WASHC3: variants seen among roughly 807,000 people sequenced by gnomAD.
WASHC3 encodes the protein WASH complex subunit CCDC53.
A neutral mutation model predicts 26.1 loss-of-function variants in WASHC3; 24 were observed. That is an observed-to-expected ratio of 0.92 (90% confidence interval 0.66 to 1.29). The LOEUF is 1.29. Among genes scored for constraint, WASHC3 ranks in the 50% most tolerant of loss-of-function variants. WASHC3 has a pLI of 0.00. For missense variants in WASHC3, 214 were observed against 229.6 expected (o/e 0.93, Z 0.44); for synonymous variants, 77 against 75.7 (o/e 1.02, Z -0.09).
chr12:102,050,901 G>C (rs904365476), intron 2 of WASHC3, among the ~76,000 whole-genome samples: 1 of 152,260 alleles, frequency 6.6e-6, no homozygotes, highest in African/African-American at 2.4e-5. Flanking sequence ...TGTGATGGAA[G>C]AGGAGATGAC....
chr12:102,058,641 C>A (rs993215134), intron 2 of WASHC3, among the ~76,000 whole-genome samples: 3 of 151,970 alleles, frequency 2.0e-5, no homozygotes, highest in Non-Finnish European at 2.9e-5. Context: ...GAAAATAGTA[C>A]AGAGGTTCCA....
chr12:102,051,406 G>C (rs984244311), intron 2 of WASHC3, among the ~76,000 whole-genome samples: 1 of 152,210 alleles, frequency 6.6e-6, no homozygotes, highest in Non-Finnish European at 1.5e-5. Context: ...TACCTTGGGA[G>C]AAAATGGCAC....
chr12:102,038,899 G>GT (rs1877795418), intron 5 of WASHC3, among the ~76,000 whole-genome samples: 1 of 151,980 alleles, frequency 6.6e-6, no homozygotes, highest in Admixed American at 6.6e-5. Context: ...CTGTCCTTTA[G>GT]TATTAGTATT....
intron 2 of WASHC3, among the ~76,000 whole-genome samples, chr12:102,049,749 C>T (rs796140405): frequency 6.6e-6 from 1 of 152,002 alleles, no homozygotes; most frequent in African/African-American, 2.4e-5. Context: ...CCCCAGAAGC[C>T]AGAAAAGGAA....
intron 6 of WASHC3, among the ~76,000 whole-genome samples, chr12:102,015,863 G>A (rs926813425): frequency 4.6e-5 from 7 of 152,134 alleles, no homozygotes; most frequent in Admixed American, 3.9e-4. Context: ...AACCTCTATC[G>A]CCTAGTATTT....
chr12:102,044,048 G>T, intron 4 of WASHC3, 57 bp downstream of exon 4: 1 of 805,422 alleles, frequency 1.2e-6, no homozygotes, highest in Admixed American at 2.6e-5. Flanking sequence ...CCAACCTGCT[G>T]CTTAACACTA....
At chr12:102,030,740 G>T (rs1448960650) in intron 5 of WASHC3, among the ~76,000 whole-genome samples, 1 of 152,158 alleles carries the variant, frequency 6.6e-6, no homozygotes, top group Non-Finnish European at 1.5e-5. Flanking sequence ...AGAATAAATA[G>T]ATGAGAATTG....
chr12:102,061,886 G>A (rs1459955486), intron 1 of WASHC3, 26 bp downstream of exon 1: 1 of 1,574,894 alleles, frequency 6.3e-7, no homozygotes, highest in Non-Finnish European at 8.6e-7. Context: ...CGGCTCGTCG[G>A]GAGTCTAGCA....
At chr12:102,041,951 A>G (rs1177782308) in intron 4 of WASHC3, among the ~76,000 whole-genome samples, 1 of 152,114 alleles carries the variant, frequency 6.6e-6, no homozygotes, top group Non-Finnish European at 1.5e-5. Context: ...TTGGGACATT[A>G]AATATGTGAG....
chr12:102,022,369 C>A (rs905250202), intron 6 of WASHC3, among the ~76,000 whole-genome samples: 1 of 152,176 alleles, frequency 6.6e-6, no homozygotes, highest in Non-Finnish European at 1.5e-5. Context: ...ATTCATAAAT[C>A]ACAACTAATA....
chr12:102,029,693 C>G (rs1294400656), intron 5 of WASHC3, among the ~76,000 whole-genome samples: 1 of 151,846 alleles, frequency 6.6e-6, no homozygotes, highest in African/African-American at 2.4e-5. Context: ...ACTAAAAATG[C>G]TCCTTATATT....
chr12:102,029,077 G>C (rs1000618304), intron 5 of WASHC3, among the ~76,000 whole-genome samples: 26 of 152,236 alleles, frequency 1.7e-4, no homozygotes, highest in Admixed American at 1.2e-3. Context: ...AGAATAATTT[G>C]GCCTGTGTTC....
rs989483621 is a variant in WASHC3 at position 102,040,034 on chromosome 12, G to A, written c.325-56C>T. On this transcript the variant is annotated intron_variant, in intron 4 of 6. Coordinates refer to ENST00000240079, the MANE Select transcript of WASHC3 (RefSeq NM_016053.4). The stretch of plus-strand genomic sequence containing the variant: ...ACAATTTACAAAAGGGGTCTATCAT[G>A]TTACTTAAAAGGAATGTTTCTTTCC... 1.5e-5 allele frequency: 10 copies of A among 658,944 alleles called. No individual in the cohort carries two copies. The South Asian group carries it at 1.6e-4, about 10-fold the overall frequency. 40.8% of individuals were successfully genotyped at this position (658,944 alleles called of 1,614,324 possible).
At chr12:102,014,114 G>A (rs974869149) in intron 6 of WASHC3, among the ~76,000 whole-genome samples, 4 of 152 alleles carry the variant, frequency 0.026, no homozygotes, top group African/African-American at 0.062. Context: ...ATGGAGTCTC[G>A]CTCTTGTCAC....
At chr12:102,016,356 C>A (rs1876701145) in intron 6 of WASHC3, among the ~76,000 whole-genome samples, 1 of 151,764 alleles carries the variant, frequency 6.6e-6, no homozygotes, top group Non-Finnish European at 1.5e-5. Flanking sequence ...AGGCATGCAC[C>A]ACCATGCCCA....
chr12:102,036,104 A>T (rs929426077), intron 5 of WASHC3, among the ~76,000 whole-genome samples: 3 of 152,160 alleles, frequency 2.0e-5, no homozygotes, highest in Non-Finnish European at 2.9e-5. Flanking sequence ...TCACGCCTGT[A>T]ATCCCAGCAC....
At chr12:102,044,581 A>G (rs1878077464) in intron 3 of WASHC3, among the ~76,000 whole-genome samples, 1 of 152,216 alleles carries the variant, frequency 6.6e-6, no homozygotes. Flanking sequence ...AGATAAGAAC[A>G]TGTACCTAGA....
intron 6 of WASHC3, among the ~76,000 whole-genome samples, chr12:102,018,960 G>T (rs922201658): frequency 1.3e-5 from 2 of 152,098 alleles, no homozygotes; most frequent in Non-Finnish European, 2.9e-5. Context: ...ACCACACCCA[G>T]ATAATTTTTG....
intron 2 of WASHC3, chr12:102,050,377 G>GGAGGCC (rs912706216): frequency 1.6e-5 from 7 of 425,468 alleles, no homozygotes; most frequent in East Asian, 7.0e-5. Flanking sequence ...CCAGCACTTG[G>GGAGGCC]GAGGCCGAGG....
Sources: gnomAD v4.1 joint callset for allele counts (sites outside exome capture counted in the v4.1 genomes callset) on GRCh38, gnomAD v4.1.1 for gene constraint, MANE v1.5 for transcripts, NCBI Gene and HGNC (gene_info 2026-07-23, HGNC 2026-07-21) for gene names.